The following RYR2 variants were observed in gnomAD, a reference collection of about 807,000 sequenced individuals.
RYR2 encodes ryanodine receptor 2.
Under a neutral mutation model 601.1 loss-of-function variants are expected in RYR2, and 227 were observed. The ratio of observed to expected loss-of-function variants is 0.38; its 90% CI spans 0.34 to 0.42. RYR2 has a LOEUF of 0.42. Ranked by LOEUF, RYR2 falls within the 10% of genes least tolerant of loss-of-function variation. The pLI is 1.00. For missense variants in RYR2, 4,646 were observed against 6,156.5 expected (o/e 0.75, Z 8.21); for synonymous variants, 2,223 against 2,175.1 (o/e 1.02, Z -0.61).
chr1:237,095,443 C>T (rs925617132), intron 1 of RYR2, among the ~76,000 whole-genome samples: 2 of 152,200 alleles, frequency 1.3e-5, no homozygotes, highest in Non-Finnish European at 2.9e-5. Context: ...TGTAACATTT[C>T]ACTGGGATCG....
At chr1:237,130,138 T>C (rs550806114) in intron 1 of RYR2, among the ~76,000 whole-genome samples, 1 of 152,126 alleles carries the variant, frequency 6.6e-6, no homozygotes, top group Admixed American at 6.5e-5. Flanking sequence ...GTGATAGATA[T>C]GTTAATTAGT....
intron 54 of RYR2, among the ~76,000 whole-genome samples, chr1:237,659,196 G>A (rs537535966): frequency 4.7e-4 from 72 of 152,202 alleles, no homozygotes; most frequent in African/African-American, 1.6e-3. Flanking sequence ...CCAGTCTTTC[G>A]GTCCCTCTAA....
chr1:237,057,267 G>T (rs1356806597), intron 1 of RYR2, among the ~76,000 whole-genome samples: 1 of 152,016 alleles, frequency 6.6e-6, no homozygotes, highest in Non-Finnish European at 1.5e-5. Context: ...CTCACTGCAA[G>T]CTCCACCTCC....
rs1573215715 is a variant in RYR2 at position 237,630,185 on chromosome 1, CT to C, written c.6441-1237del. Among the ~76,000 whole-genome samples, 4 of 152,226 alleles carry C rather than the reference CT, an allele frequency of 2.6e-5. No homozygotes were observed. In the East Asian group the frequency reaches 7.7e-4, roughly 29 times the overall value. On this transcript the variant is annotated intron_variant, in intron 41 of 104. Coordinates refer to ENST00000366574, the MANE Select transcript of RYR2 (RefSeq NM_001035.3). ...AATGATGTTAAAAAGCAAAATGCTT[CT>C]TTTTGTGGTATTCAAAATATTTAAC...
intron 1 of RYR2, among the ~76,000 whole-genome samples, chr1:237,096,455 C>T (rs1045550682): frequency 6.6e-6 from 1 of 152,064 alleles, no homozygotes; most frequent in Admixed American, 6.6e-5. Flanking sequence ...CAATAGGTGG[C>T]GGATAACAAG....
intron 92 of RYR2, among the ~76,000 whole-genome samples, chr1:237,789,262 C>T (rs1658050659): frequency 6.6e-6 from 1 of 152,064 alleles, no homozygotes; most frequent in Non-Finnish European, 1.5e-5. Context: ...CCTCAATGAA[C>T]TATAGAATTT....
Position 237,651,500 on chromosome 1 carries a change from A to C in RYR2, c.7823A>C (p.Lys2608Thr). 3 of 1,530,188 alleles carry C rather than the reference A, an allele frequency of 2.0e-6. No homozygotes were observed. Among genetic ancestry groups the C allele is most frequent in the Non-Finnish European group, 2.7e-6 (3 of 1,120,346 alleles). The allele number at this position is 1,530,188 out of a possible 1,614,324, so 94.8% of individuals were successfully genotyped here. The change falls in exon 51 of 105, where the codon AAA becomes ACA. Residue 2608 changes from lysine to threonine, a missense_variant and splice_region_variant. Lys to Thr is a moderately conservative substitution (Grantham distance 78). Around this residue, in one of 17 missense-constraint regions of RYR2, gnomAD observed 1,497 missense variants for 1,842.6 expected, o/e 0.81. Transcript: ENST00000366574. Reference sequence around the variant, plus strand: ...AATGAACACGCAAAGATGCCTCTTAAAGTAAGTATAGGAAATGTTTGTAGA... The same window carrying C: ...AATGAACACGCAAAGATGCCTCTTACAGTAAGTATAGGAAATGTTTGTAGA... Reference protein sequence around the residue: ...LLNEHAKMPLKLLTNHYERCW... With the variant: ...LLNEHAKMPLTLLTNHYERCW...
At chr1:237,469,301 G>A (rs1039416727) in intron 17 of RYR2, 114 bp downstream of exon 17, 11 of 689,132 alleles carry the variant, frequency 1.6e-5, no homozygotes, top group African/African-American at 1.3e-4. Flanking sequence ...GAGGTGTGGT[G>A]GTGTGTACTG....
intron 96 of RYR2, among the ~76,000 whole-genome samples, chr1:237,796,611 CCTT>C (rs1659261870): frequency 6.6e-6 from 1 of 151,926 alleles, no homozygotes; most frequent in South Asian, 2.1e-4. Flanking sequence ...CAGTATATTT[CCTT>C]CTTCATTCAC....
intron 51 of RYR2, among the ~76,000 whole-genome samples, chr1:237,652,344 T>C (rs1682843067): frequency 6.6e-6 from 1 of 152,192 alleles, no homozygotes. Context: ...GTTGGGAATG[T>C]TTTCTTGTCC....
At chr1:237,770,441 G>A (rs188852467) in intron 84 of RYR2, among the ~76,000 whole-genome samples, 26 of 152,204 alleles carry the variant, frequency 1.7e-4, no homozygotes, top group Non-Finnish European at 2.8e-4. Context: ...AATTTAACAC[G>A]TGTGAGAGAT....
At chr1:237,221,595 T>TCA (rs1308142548) in intron 1 of RYR2, among the ~76,000 whole-genome samples, 1 of 152,234 alleles carries the variant, frequency 6.6e-6, no homozygotes, top group African/African-American at 2.4e-5. Context: ...TTTGAGTTAG[T>TCA]CACATGTACT....
At chr1:237,193,385 G>A (rs996445960) in intron 1 of RYR2, among the ~76,000 whole-genome samples, 3 of 152,038 alleles carry the variant, frequency 2.0e-5, no homozygotes, top group East Asian at 1.9e-4. Context: ...GCGTGAACCC[G>A]GGAGGTGGAG....
intron 1 of RYR2, among the ~76,000 whole-genome samples, chr1:237,195,284 G>C (rs983042646): frequency 6.6e-6 from 1 of 152,036 alleles, no homozygotes; most frequent in Non-Finnish European, 1.5e-5. Flanking sequence ...ATAACCAGTC[G>C]CTCGTGTTGC....
chr1:237,047,625 C>T (rs151228436), intron 1 of RYR2, among the ~76,000 whole-genome samples: 1,627 of 152,214 alleles, frequency 0.011, 15 homozygotes, highest in Middle Eastern at 0.027. Context: ...CTCCTTGCCA[C>T]GTCTAAATGT....
intron 79 of RYR2, among the ~76,000 whole-genome samples, chr1:237,735,871 A>G (rs1691097019): frequency 6.6e-6 from 1 of 152,122 alleles, no homozygotes; most frequent in South Asian, 2.1e-4. Context: ...ACAATCACCC[A>G]TTTTACTTTC....
At chr1:237,548,381 T>A (rs1481521903) in intron 25 of RYR2, 50 bp from the exon 26 acceptor site, 6 of 1,588,028 alleles carry the variant, frequency 3.8e-6, no homozygotes, top group East Asian at 2.3e-5. Flanking sequence ...TTACAGAGAT[T>A]TTTATGAAAA....
In RYR2 at chr1:237,723,266, A is replaced by C; in HGVS notation, c.10689+4A>C. The C allele has an allele frequency of 6.2e-7, 1 of 1,607,566 alleles. No homozygotes were observed. Among genetic ancestry groups the C allele is most frequent in the Non-Finnish European group, 8.5e-7 (1 of 1,176,238 alleles). On this transcript the variant is annotated splice_donor_region_variant and intron_variant, in intron 74 of 104. Transcript: ENST00000366574. ...TGTGCTTTTTCATCTTGAACAGGTC[A>C]GGCTTTGTGTCAATTCAATCATATT...
intron 33 of RYR2, among the ~76,000 whole-genome samples, chr1:237,594,517 G>A (rs1310479993): frequency 6.6e-6 from 1 of 152,040 alleles, no homozygotes; most frequent in Non-Finnish European, 1.5e-5. Flanking sequence ...ATTTTTTGGG[G>A]GCCATGCTTA....
Sources: allele counts gnomAD v4.1 joint callset (sites outside exome capture counted in the v4.1 genomes callset), GRCh38; gene constraint gnomAD v4.1.1; regional missense constraint gnomAD v4.1.1; transcripts MANE v1.5; gene names NCBI Gene and HGNC (gene_info 2026-07-23, HGNC 2026-07-21).